Variants in CTNNA2 observed in about 807,000 individuals in gnomAD.
CTNNA2 encodes the protein catenin alpha 2.
A neutral mutation model predicts 101.0 loss-of-function variants in CTNNA2; 42 were observed. That is an observed-to-expected ratio of 0.42 (90% confidence interval 0.32 to 0.54). CTNNA2 has a LOEUF of 0.54. Ranked by LOEUF, CTNNA2 falls within the 20% of genes least tolerant of loss-of-function variation. The pLI, the probability that CTNNA2 is intolerant of heterozygous loss-of-function variation, is 0.14. For missense variants in CTNNA2, 871 were observed against 1,223.1 expected, an observed-to-expected ratio of 0.71 and a Z score of 4.29; for synonymous variants, 450 against 456.4, an observed-to-expected ratio of 0.99 and a Z score of 0.18.
chr2:79,406,157 T>C (rs1678339498), intron 4 of CTNNA2, among the ~76,000 whole-genome samples: 1 of 152,050 alleles, frequency 6.6e-6, no homozygotes, highest in African/African-American at 2.4e-5. Context: ...ATTGATACTT[T>C]ACAGAGTCCA....
At chr2:80,556,728 A>G (rs373319303) in intron 12 of CTNNA2, among the ~76,000 whole-genome samples, 11 of 152,318 alleles carry the variant, frequency 7.2e-5, no homozygotes, top group African/African-American at 2.4e-4. Context: ...GATAAGATAT[A>G]TAGTCCAAGG....
chr2:80,395,894 A>C (rs2149371304), intron 8 of CTNNA2, among the ~76,000 whole-genome samples: 1 of 152,290 alleles, frequency 6.6e-6, no homozygotes, highest in South Asian at 2.1e-4. Flanking sequence ...TTAGTTTATA[A>C]AAAATATTTC....
chr2:80,057,769 C>G (rs1259587314), intron 7 of CTNNA2, among the ~76,000 whole-genome samples: 1 of 152,158 alleles, frequency 6.6e-6, no homozygotes, highest in Non-Finnish European at 1.5e-5. Flanking sequence ...CCTGAGAAAG[C>G]TACATCTCTA....
chr2:80,282,569 A>G (rs1175917827), intron 7 of CTNNA2, among the ~76,000 whole-genome samples: 1 of 152,188 alleles, frequency 6.6e-6, no homozygotes, highest in African/African-American at 2.4e-5. Flanking sequence ...CAATCTTACT[A>G]CATCTAAACC....
rs117091762 is a variant in CTNNA2, at chr2:80,197,106, A to G, written c.1057-196105A>G. Among the ~76,000 whole-genome samples, 993 of 152,260 alleles carry G rather than the reference A, an allele frequency of 6.5e-3. 37 individuals carry two copies. Among genetic ancestry groups the G allele is most frequent in the Admixed American group, 0.049 (751 of 15,294 alleles). On this transcript the variant is annotated intron_variant, in intron 7 of 18. Coordinates refer to ENST00000402739, the MANE Select transcript of CTNNA2 (RefSeq NM_001282597.3). ...TCTGTGAATATGTTATTTCCTTGGT[A>G]CACTCTGTTATTTTCCCAATGAGAT...
At chr2:80,323,350 C>T (rs935454987) in intron 7 of CTNNA2, among the ~76,000 whole-genome samples, 29 of 152,146 alleles carry the variant, frequency 1.9e-4, no homozygotes, top group African/African-American at 6.8e-4. Context: ...AGAATCATCG[C>T]CAAGATCTCC....
chr2:79,896,792 G>A (rs1423591781), intron 6 of CTNNA2, among the ~76,000 whole-genome samples: 1 of 152,224 alleles, frequency 6.6e-6, no homozygotes, highest in Admixed American at 6.5e-5. Context: ...GTTAAAGATC[G>A]TGTTTCCAGA....
intron 2 of CTNNA2, among the ~76,000 whole-genome samples, chr2:79,268,317 C>T (rs1020775428): frequency 6.6e-6 from 1 of 152,044 alleles, no homozygotes; most frequent in African/African-American, 2.4e-5. Context: ...TAAGAGGCCT[C>T]GGTGTTCCTA....
intron 2 of CTNNA2, among the ~76,000 whole-genome samples, chr2:79,205,916 T>C (rs550084061): frequency 8.8e-4 from 134 of 152,322 alleles, no homozygotes; most frequent in African/African-American, 3.1e-3. Flanking sequence ...ATATATTTCC[T>C]GCACAGGTTT....
intron 9 of CTNNA2, among the ~76,000 whole-genome samples, chr2:80,524,343 C>T (rs1266156747): frequency 8.5e-5 from 13 of 152,210 alleles, no homozygotes; most frequent in East Asian, 7.7e-4. Context: ...AGTGGGTGTA[C>T]GCTTTCCTTT....
At chr2:80,566,845 A>C (rs1694106527) in intron 12 of CTNNA2, among the ~76,000 whole-genome samples, 1 of 152,176 alleles carries the variant, frequency 6.6e-6, no homozygotes, top group Non-Finnish European at 1.5e-5. Flanking sequence ...TCATCAGGAA[A>C]AATTCTATTT....
intron 9 of CTNNA2, among the ~76,000 whole-genome samples, chr2:80,464,398 A>G (rs1684691333): frequency 2.0e-5 from 3 of 152,170 alleles, no homozygotes; most frequent in Admixed American, 2.0e-4. Context: ...TTGTGGTCAG[A>G]TGTTTTAATT....
At chr2:80,096,369 G>C (rs1021639885) in intron 7 of CTNNA2, among the ~76,000 whole-genome samples, 2 of 152,168 alleles carry the variant, frequency 1.3e-5, no homozygotes, top group East Asian at 1.9e-4. Context: ...GTCTGAGAGA[G>C]AGTTTTTTAT....
At chr2:80,622,509 A>C (rs1671236860) in intron 18 of CTNNA2, among the ~76,000 whole-genome samples, 2 of 151,902 alleles carry the variant, frequency 1.3e-5, no homozygotes, top group Admixed American at 1.3e-4. Flanking sequence ...CAAGAATAAC[A>C]TCAGTTTCTC....
At chr2:79,355,359 C>T in intron 3 of CTNNA2, among the ~76,000 whole-genome samples, 1 of 152,160 alleles carries the variant, frequency 6.6e-6, no homozygotes, top group East Asian at 1.9e-4. Context: ...AATCCATGAA[C>T]ATAGGGTGTT....
At chr2:80,555,624 A>C (rs1365065537) in intron 11 of CTNNA2, 69 bp from the exon 12 acceptor site, 5 of 908,870 alleles carry the variant, frequency 5.5e-6, no homozygotes, top group Non-Finnish European at 8.0e-6. Context: ...ATGAGAGTTG[A>C]ATCAATTTTA....
intron 3 of CTNNA2, among the ~76,000 whole-genome samples, chr2:79,810,830 A>C (rs1439755050): frequency 1.3e-5 from 2 of 151,928 alleles, no homozygotes; most frequent in Non-Finnish European, 2.9e-5. Context: ...TTCCAGCTTT[A>C]TCCATGTCCC....
intron 7 of CTNNA2, among the ~76,000 whole-genome samples, chr2:80,002,164 A>G (rs141249494): frequency 0.011 from 1,640 of 152,324 alleles, 33 homozygotes; most frequent in African/African-American, 0.037. Context: ...TGCATTTATG[A>G]TATTTCCTCA....
chr2:79,937,759 A>G (rs1475054055), intron 7 of CTNNA2, among the ~76,000 whole-genome samples: 1 of 152,232 alleles, frequency 6.6e-6, no homozygotes, highest in East Asian at 1.9e-4. Flanking sequence ...ACTGTATTCT[A>G]AAGCTAATCA....
Sources: allele counts gnomAD v4.1 joint callset (sites outside exome capture counted in the v4.1 genomes callset), GRCh38; gene constraint gnomAD v4.1.1; transcripts MANE v1.5; gene names NCBI Gene and HGNC (gene_info 2026-07-23, HGNC 2026-07-21).